The following MCTP2 variants were observed in gnomAD, a reference collection of about 807,000 sequenced individuals.
MCTP2 encodes the protein multiple C2 and transmembrane domain containing 2.
In MCTP2, 132 loss-of-function variants were observed where a neutral mutation model predicts 111.6. The observed-to-expected ratio is 1.18, with a 90% CI of 1.03 to 1.37. The LOEUF (loss-of-function observed/expected upper bound fraction) is 1.37. Among genes scored for constraint, MCTP2 ranks in the 40% most tolerant of loss-of-function variants. The probability of loss-of-function intolerance (pLI) is 0.00; values close to 1 mark genes in which losing one functional copy is unlikely to be tolerated. For missense variants in MCTP2, 1,183 were observed against 1,067.9 expected (o/e 1.11, Z -1.50); for synonymous variants, 395 against 387.7 (o/e 1.02, Z -0.22).
At chr15:94,385,877 T>G (rs895146647) in intron 14 of MCTP2, among the ~76,000 whole-genome samples, 3 of 152,230 alleles carry the variant, frequency 2.0e-5, no homozygotes, top group African/African-American at 2.4e-5. Context: ...CACACATGTA[T>G]TTCTTTATAG....
chr15:94,392,853 A>T (rs1355401863), intron 14 of MCTP2, among the ~76,000 whole-genome samples: 1 of 151,916 alleles, frequency 6.6e-6, no homozygotes, highest in African/African-American at 2.4e-5. Flanking sequence ...AAAAACAAAA[A>T]ACTTGGAGAA....
At position 94,483,767 on chromosome 15, in the gene MCTP2, G is replaced by A. The variant is rs1357185145; in HGVS notation, c.*4733G>A. 1 of 152,064 alleles carries A rather than the reference G, an allele frequency of 6.6e-6. No individual in the cohort carries two copies. Among genetic ancestry groups the A allele is most frequent in the Non-Finnish European group, 1.5e-5 (1 of 67,998 alleles). 9.4% of individuals were successfully genotyped at this position (152,064 alleles called of 1,614,324 possible). On this transcript the variant is annotated 3_prime_UTR_variant, in exon 23 of 23. Coordinates refer to ENST00000357742, the MANE Select transcript of MCTP2 (RefSeq NM_001385001.1). ...ATAATGAGTACCAGGCTTAATACAT[G>A]GGCGATGAAATAATCTGTATGACAA...
At chr15:94,458,079 G>A in intron 19 of MCTP2, 58 bp from the exon 20 acceptor site, 1 of 906,810 alleles carries the variant, frequency 1.1e-6, no homozygotes, top group Non-Finnish European at 1.8e-6. Flanking sequence ...AATATTTTCT[G>A]TATCAGCATG....
intron 17 of MCTP2, among the ~76,000 whole-genome samples, chr15:94,434,116 T>TG (rs2152503970): frequency 6.6e-6 from 1 of 152,008 alleles, no homozygotes; most frequent in Non-Finnish European, 1.5e-5. Context: ...TTTTTTGTGG[T>TG]GGGGGGTTGC....
intron 17 of MCTP2, chr15:94,402,530 C>T: frequency 1.3e-6 from 2 of 1,551,822 alleles, no homozygotes; most frequent in Non-Finnish European, 1.7e-6. Flanking sequence ...GTACCCTTTT[C>T]TCTGGTGACA....
intron 17 of MCTP2, among the ~76,000 whole-genome samples, chr15:94,435,629 C>CT (rs202170550): frequency 0.028 from 3,299 of 117,866 alleles, 227 homozygotes; most frequent in African/African-American, 0.069. Context: ...TTTTTTTATT[C>CT]TTTTTTTTTT....
At chr15:94,334,943 A>G (rs2077285821) in intron 4 of MCTP2, among the ~76,000 whole-genome samples, 1 of 152,150 alleles carries the variant, frequency 6.6e-6, no homozygotes, top group Admixed American at 6.5e-5. Context: ...GCTTTTCTAA[A>G]TGGTTTAGAT....
chr15:94,303,703 A>G (rs1038844094), intron 2 of MCTP2, among the ~76,000 whole-genome samples: 15 of 152,168 alleles, frequency 9.9e-5, no homozygotes, highest in African/African-American at 3.1e-4. Context: ...GAGCTACAAG[A>G]TGAGATTTGG....
At chr15:94,346,265 T>A (rs1007464989) in intron 8 of MCTP2, among the ~76,000 whole-genome samples, 2 of 152,234 alleles carry the variant, frequency 1.3e-5, no homozygotes, top group Admixed American at 6.5e-5. Flanking sequence ...CTAAAAGATA[T>A]ACCCTTTGCA....
chr15:94,306,073 C>G (rs905733269), intron 2 of MCTP2, among the ~76,000 whole-genome samples: 1 of 152,150 alleles, frequency 6.6e-6, no homozygotes. Context: ...AAATGACCAG[C>G]AATACCAACC....
chr15:94,243,170 C>A (rs369169424), intron 1 of MCTP2, among the ~76,000 whole-genome samples: 1 of 125,594 alleles, frequency 8.0e-6, no homozygotes, highest in African/African-American at 3.0e-5. Flanking sequence ...TATATACATA[C>A]GTACGTATGT....
intron 4 of MCTP2, among the ~76,000 whole-genome samples, chr15:94,331,240 G>T (rs766760576): frequency 6.6e-6 from 1 of 152,134 alleles, no homozygotes; most frequent in African/African-American, 2.4e-5. Flanking sequence ...AAGGTCTCTG[G>T]CTCATCTTAG....
intron 8 of MCTP2, among the ~76,000 whole-genome samples, chr15:94,348,075 G>C (rs1219491320): frequency 6.6e-6 from 1 of 152,046 alleles, no homozygotes; most frequent in Non-Finnish European, 1.5e-5. Context: ...TCTGTTATAT[G>C]TATTAATATG....
chr15:94,449,294 T>G (rs572501367), intron 19 of MCTP2, among the ~76,000 whole-genome samples: 60 of 152,352 alleles, frequency 3.9e-4, no homozygotes, highest in African/African-American at 1.3e-3. Context: ...GCTCATTCAG[T>G]ACTCAAAACA....
chr15:94,477,713 A>G (rs2074480800), intron 22 of MCTP2, among the ~76,000 whole-genome samples: 1 of 152,188 alleles, frequency 6.6e-6, no homozygotes, highest in Non-Finnish European at 1.5e-5. Flanking sequence ...TGGGGCGGAA[A>G]AGCCTTAGAG....
rs1446761447 is a variant in MCTP2 at position 94,231,650 on chromosome 15, C to A, written c.-80C>A. 1 of 152,380 alleles carries A rather than the reference C, an allele frequency of 6.6e-6. No homozygotes were observed. Among genetic ancestry groups the A allele is most frequent in the Non-Finnish European group, 1.5e-5 (1 of 68,178 alleles). 9.4% of individuals were successfully genotyped at this position (152,380 alleles called of 1,614,324 possible). Reference sequence around the variant, plus strand: ...CCTGCCCAGCTTTGCAGCCCCCGAACGCGGCCTCGCACAGGTGAGGGCGGT... The same window carrying A: ...CCTGCCCAGCTTTGCAGCCCCCGAAAGCGGCCTCGCACAGGTGAGGGCGGT... On this transcript the variant is annotated 5_prime_UTR_variant, in exon 1 of 23. Coordinates refer to ENST00000357742, the MANE Select transcript of MCTP2 (RefSeq NM_001385001.1).
chr15:94,344,076 A>C (rs934422016), intron 7 of MCTP2: 6 of 150,056 alleles, frequency 4.0e-5, no homozygotes, highest in Admixed American at 3.3e-4. Context: ...AAAAAAAAAA[A>C]CAAAACCCTG....
chr15:94,434,111 T>C (rs991824886), intron 17 of MCTP2, among the ~76,000 whole-genome samples: 1 of 152,100 alleles, frequency 6.6e-6, no homozygotes, highest in Non-Finnish European at 1.5e-5. Flanking sequence ...TTTATTTTTT[T>C]GTGGTGGGGG....
intron 1 of MCTP2, among the ~76,000 whole-genome samples, chr15:94,261,529 A>G (rs902707774): frequency 2.6e-5 from 4 of 152,210 alleles, no homozygotes; most frequent in South Asian, 2.1e-4. Flanking sequence ...GCTTCTGAGT[A>G]TTATATAAAT....
Sources: allele counts gnomAD v4.1 joint callset (sites outside exome capture counted in the v4.1 genomes callset), GRCh38; gene constraint gnomAD v4.1.1; transcripts MANE v1.5; gene names NCBI Gene and HGNC (gene_info 2026-07-23, HGNC 2026-07-21).